Variants in ZNF257 observed in about 807,000 individuals in gnomAD.
ZNF257 encodes the protein bone marrow zinc finger 4.
In ZNF257, 12 loss-of-function variants were observed where a neutral mutation model predicts 11.9. The observed-to-expected ratio is 1.01, with a 90% CI of 0.65 to 1.63. The LOEUF (loss-of-function observed/expected upper bound fraction) is 1.63. Ranked by LOEUF, ZNF257 falls within the 40% of genes most tolerant of loss-of-function variation. The pLI, the probability that ZNF257 is intolerant of heterozygous loss-of-function variation, is 0.00. For synonymous variants in ZNF257, 183 were observed against 222.7 expected (o/e 0.82, Z 1.59); for missense variants, 580 against 665.5 (o/e 0.87, Z 1.41).
intron 2 of ZNF257, 113 bp from the exon 3 acceptor site, chr19:22,073,356 T>C: frequency 8.3e-7 from 1 of 1,211,080 alleles, no homozygotes; most frequent in East Asian, 2.8e-5. Context: ...TAAATTAGTA[T>C]TTTGGCATAA....
chr19:22,072,795 T>A lies in ZNF257; in HGVS notation c.4-14T>A. The A allele has an allele frequency of 6.2e-6, 10 of 1,606,770 alleles. No individual in the cohort carries two copies. Among genetic ancestry groups the A allele is most frequent in the Non-Finnish European group, 7.6e-6 (9 of 1,176,918 alleles). On this transcript the variant is annotated splice_polypyrimidine_tract_variant and intron_variant, in intron 1 of 3. Coordinates refer to ENST00000594947, the MANE Select transcript of ZNF257 (RefSeq NM_033468.4). ...TGGTAAATATATGTGTGTCTGTGTT[T>A]GTGTGTTTTTCAGGGACCACTGACA...
chr19:22,063,727 G>A (rs187946178), intron 1 of ZNF257, among the ~76,000 whole-genome samples: 1 of 152,216 alleles, frequency 6.6e-6, no homozygotes, highest in African/African-American at 2.4e-5. Flanking sequence ...TGTGTGGTTG[G>A]TATAATGTAG....
rs2022565838 is a variant in ZNF257, at chr19:22,089,196, TG to T, written c.1450del (p.Glu484ArgfsTer24). 1 of 1,613,708 alleles carries T rather than the reference TG, an allele frequency of 6.2e-7. No individual in the cohort carries two copies. The highest frequency in any genetic ancestry group is 1.3e-5 in the African/African-American group (1 of 74,872). The stretch of plus-strand genomic sequence containing the variant: ...TTACTCAACATAAAATAATTCATAC[TG>T]GGGAGAAGCCCTACAAATGTGAAGA... ...HLTQHKIIHT[G>X]EKPYKCEECG... On this transcript the variant is annotated frameshift_variant, in exon 4 of 4. Coordinates refer to ENST00000594947, the MANE Select transcript of ZNF257 (RefSeq NM_033468.4). LOFTEE classifies it low-confidence loss of function (END_TRUNC).
intron 3 of ZNF257, chr19:22,074,299 G>T (rs2022176369): frequency 6.6e-6 from 1 of 151,796 alleles, no homozygotes; most frequent in Non-Finnish European, 1.5e-5. Context: ...ATATCTTTCA[G>T]TGTAAAGAGT....
rs573370743 is a variant in ZNF257, at chr19:22,081,936, A to G, written c.227-6041A>G. Reference sequence around the variant, plus strand: ...TATGTTTTTTCTCATTTCCTATTTTACCACCTTAAATTTTGCTTAATTTTA... The same window carrying G: ...TATGTTTTTTCTCATTTCCTATTTTGCCACCTTAAATTTTGCTTAATTTTA... On this transcript the variant is annotated intron_variant, in intron 3 of 3. Transcript: ENST00000594947. 2.0e-5 allele frequency among the ~76,000 whole-genome samples: 3 copies of G among 152,068 alleles called. No individual in the cohort carries two copies. In the East Asian group the frequency reaches 5.8e-4, roughly 29 times the overall value.
intron 1 of ZNF257, among the ~76,000 whole-genome samples, chr19:22,071,480 G>C (rs1431557387): frequency 6.6e-6 from 1 of 151,560 alleles, no homozygotes; most frequent in Non-Finnish European, 1.5e-5. Context: ...GGAAAAAATG[G>C]CTTTTTTTTT....
At chr19:22,055,661 G>A (rs898241042) in intron 1 of ZNF257, among the ~76,000 whole-genome samples, 2 of 152,216 alleles carry the variant, frequency 1.3e-5, no homozygotes, top group African/African-American at 2.4e-5. Context: ...TATGAGAGCA[G>A]GATGGGGTGG....
intron 1 of ZNF257, among the ~76,000 whole-genome samples, chr19:22,063,046 C>T (rs558557760): frequency 2.0e-5 from 3 of 152,158 alleles, no homozygotes; most frequent in Admixed American, 6.5e-5. Flanking sequence ...TTCAGGGCTT[C>T]GTTTTCTTTT....
intron 3 of ZNF257, among the ~76,000 whole-genome samples, chr19:22,086,112 C>T (rs1299492572): frequency 6.6e-6 from 1 of 151,920 alleles, no homozygotes; most frequent in Non-Finnish European, 1.5e-5. Context: ...ATTCTTGTAT[C>T]TTTGTCCCTC....
Position 22,091,149 on chromosome 19 carries a change from T to A in ZNF257, c.*1707T>A, listed in dbSNP as rs1332071571. Reference sequence around the variant, plus strand: ...TTAATTTATAATTAAATATTTTCTTTTACCACGTTAAGACTATTGTACGTT... The same window carrying A: ...TTAATTTATAATTAAATATTTTCTTATACCACGTTAAGACTATTGTACGTT... On this transcript the variant is annotated 3_prime_UTR_variant, in exon 4 of 4. Transcript: ENST00000594947. 6.6e-6 allele frequency: 1 copy of A among 152,116 alleles called. No homozygotes were observed. The highest frequency in any genetic ancestry group is 1.5e-5 in the Non-Finnish European group (1 of 68,026). 9.4% of individuals were successfully genotyped at this position (152,116 alleles called of 1,614,324 possible).
intron 3 of ZNF257, among the ~76,000 whole-genome samples, chr19:22,076,740 G>A (rs1427290746): frequency 6.6e-6 from 1 of 152,114 alleles, no homozygotes; most frequent in Non-Finnish European, 1.5e-5. Context: ...CCAGGCTGGA[G>A]TGCAGTGGCA....
chr19:22,058,937 C>T (rs2021718946), intron 1 of ZNF257, among the ~76,000 whole-genome samples: 1 of 152,082 alleles, frequency 6.6e-6, no homozygotes, highest in South Asian at 2.1e-4. Context: ...GTCTACAAGT[C>T]TCCTGGCATA....
chr19:22,056,599 C>G (rs1326240329), intron 1 of ZNF257, among the ~76,000 whole-genome samples: 1 of 151,848 alleles, frequency 6.6e-6, no homozygotes, highest in Non-Finnish European at 1.5e-5. Flanking sequence ...CCTCGGCCTC[C>G]CGAGTAGCTG....
At chr19:22,074,047 T>C (rs2022171440) in intron 3 of ZNF257, among the ~76,000 whole-genome samples, 2 of 152,126 alleles carry the variant, frequency 1.3e-5, no homozygotes, top group Admixed American at 6.5e-5. Context: ...TTTGGAATTA[T>C]AAAATATGAT....
In ZNF257 at chr19:22,088,234, A is replaced by G. The variant is rs1044133200; in HGVS notation, c.484A>G (p.Arg162Gly). The change falls in exon 4 of 4, where the codon AGA (arginine) becomes GGA (glycine). Residue 162 changes from arginine (R) to glycine (G), a missense_variant. Transcript: ENST00000594947. ...CTTCTATAAGTTTTCAAATTCAGAT[A>G]GACATAAGATAAGACATACTGAAAA... The part of the protein sequence containing the change: ...KVFYKFSNSD[R>G]HKIRHTEKKT... 11 of 1,609,080 alleles carry G rather than the reference A, an allele frequency of 6.8e-6. No individual in the cohort carries two copies. Among genetic ancestry groups the G allele is most frequent in the Non-Finnish European group, 9.3e-6 (11 of 1,178,402 alleles).
intron 1 of ZNF257, among the ~76,000 whole-genome samples, chr19:22,069,124 T>A (rs10420042): frequency 0.24 from 36,801 of 152,002 alleles, 6,210 homozygotes; most frequent in African/African-American, 0.48. Context: ...ATTCGAACAG[T>A]TAAACTAAAT....
chr19:22,067,937 G>A (rs2021998801), intron 1 of ZNF257, among the ~76,000 whole-genome samples: 1 of 150,820 alleles, frequency 6.6e-6, no homozygotes, highest in African/African-American at 2.4e-5. Context: ...GCCACAAGTA[G>A]CATCAATTTA....
chr19:22,069,479 G>T (rs1246862094), intron 1 of ZNF257, among the ~76,000 whole-genome samples: 1 of 152,040 alleles, frequency 6.6e-6, no homozygotes. Flanking sequence ...GCTGGGCGTG[G>T]TGGTGGGCGC....
chr19:22,058,691 G>A (rs1469537969), intron 1 of ZNF257, among the ~76,000 whole-genome samples: 1 of 152,144 alleles, frequency 6.6e-6, no homozygotes. Context: ...AGTGCCCATT[G>A]TTTTGTGATT....
Sources: gnomAD v4.1 joint callset for allele counts (sites outside exome capture counted in the v4.1 genomes callset) on GRCh38, gnomAD v4.1.1 for gene constraint, MANE v1.5 for transcripts, NCBI Gene and HGNC (gene_info 2026-07-23, HGNC 2026-07-21) for gene names.